Variants in RNF157 observed in about 807,000 individuals in gnomAD.
RNF157 encodes the protein ring finger protein 157.
A neutral mutation model predicts 88.3 loss-of-function variants in RNF157; 55 were observed. The ratio of observed to expected loss-of-function variants is 0.62; its 90% confidence interval spans 0.50 to 0.78. The LOEUF (loss-of-function observed/expected upper bound fraction) is 0.78, where lower values mean the gene tolerates loss of function less well. Among genes scored for constraint, RNF157 ranks in the 30% least tolerant of loss-of-function variants. The pLI is 0.00. For synonymous variants in RNF157, 334 were observed against 341.2 expected (o/e 0.98, Z 0.23); for missense variants, 788 against 860.8 (o/e 0.92, Z 1.06).
chr17:76,231,163 A>G (rs1017400891), intron 1 of RNF157, among the ~76,000 whole-genome samples: 1 of 151,880 alleles, frequency 6.6e-6, no homozygotes, highest in Non-Finnish European at 1.5e-5. Context: ...ACGCCCAGCT[A>G]ATTTTTTGTA....
At chr17:76,223,251 A>G (rs1414393077) in intron 1 of RNF157, among the ~76,000 whole-genome samples, 14 of 147,474 alleles carry the variant, frequency 9.5e-5, no homozygotes, top group Middle Eastern at 3.3e-3. Flanking sequence ...GCAGTAGTCC[A>G]ATCTCTGCTC....
chr17:76,181,302 C>T (rs561038107), intron 2 of RNF157, among the ~76,000 whole-genome samples: 1 of 152,280 alleles, frequency 6.6e-6, no homozygotes, highest in South Asian at 2.1e-4. Flanking sequence ...TCCAATGGCG[C>T]CCTATGCTTA....
At chr17:76,220,098 C>A (rs1427820381) in intron 1 of RNF157, among the ~76,000 whole-genome samples, 2 of 152,016 alleles carry the variant, frequency 1.3e-5, no homozygotes, top group Non-Finnish European at 2.9e-5. Context: ...GAGGGGGTGC[C>A]GCTAGCATCC....
At chr17:76,147,048 T>G (rs1321498127) in intron 18 of RNF157, 12 of 985,216 alleles carry the variant, frequency 1.2e-5, no homozygotes, top group Non-Finnish European at 1.4e-5. Flanking sequence ...GTCTTGGATC[T>G]CTCTCTCATA....
intron 1 of RNF157, among the ~76,000 whole-genome samples, chr17:76,223,428 T>G (rs575094473): frequency 1.3e-5 from 2 of 152,254 alleles, no homozygotes; most frequent in East Asian, 1.9e-4. Context: ...CCTCAGGTGA[T>G]CCATCCGCCT....
chr17:76,233,551 TA>T (rs1167307529), intron 1 of RNF157, among the ~76,000 whole-genome samples: 1 of 152,218 alleles, frequency 6.6e-6, no homozygotes, highest in African/African-American at 2.4e-5. Flanking sequence ...TTTATTTTTT[TA>T]TTAGTGACAG....
In RNF157 at chr17:76,146,085, A is replaced by T. The variant is rs1007267514; in HGVS notation, c.1922-732T>A. ...GAGGAGTGCCAGCGCCTGTCTGGAA[A>T]CCCATTCTTGGTGCTTCTCTTTCCC... On this transcript the variant is annotated intron_variant, in intron 18 of 18. Transcript: ENST00000269391. This position sits in a 1 kb window ranked among gnomAD's most constrained non-coding sequence, Gnocchi z 4.2. 4.6e-5 allele frequency among the ~76,000 whole-genome samples: 7 copies of T among 151,564 alleles called. No homozygotes were observed. The highest frequency in any genetic ancestry group is 1.7e-4 in the African/African-American group (7 of 41,188).
chr17:76,142,940 C>T lies in RNF157; in HGVS notation c.*2295G>A, dbSNP rs369073980. 4.6e-5 allele frequency: 7 copies of T among 152,420 alleles called. No homozygotes were observed. The highest frequency in any genetic ancestry group is 1.7e-4 in the African/African-American group (7 of 41,454). The allele number at this position is 152,420 out of a possible 1,614,324, so 9.4% of individuals were successfully genotyped here. A position where few individuals can be genotyped will look rare whatever the true frequency, so the allele number is the denominator to read the frequency against. ...GTGCCCTGTGGGAGAAGCCAGGCCC[C>T]ACCTCTTCTCTTTGGGTGAACTGTT... On this transcript the variant is annotated 3_prime_UTR_variant, in exon 19 of 19. Transcript: ENST00000269391.
At chr17:76,222,338 C>A (rs1207807899) in intron 1 of RNF157, among the ~76,000 whole-genome samples, 1 of 150,194 alleles carries the variant, frequency 6.7e-6, no homozygotes, top group African/African-American at 2.4e-5. Flanking sequence ...CAGAGCAAGA[C>A]CCCGTCTCAA....
Position 76,160,616 on chromosome 17 carries a change from A to C in RNF157, c.1065+919T>G, listed in dbSNP as rs2289606. On this transcript the variant is annotated intron_variant, in intron 11 of 18. Coordinates refer to ENST00000269391, the MANE Select transcript of RNF157 (RefSeq NM_052916.3). This position sits in a 1 kb window ranked among gnomAD's most constrained non-coding sequence, Gnocchi z 4.3. ...TGCCCTTTTATCTACTGTTTTATTC[A>C]ATATGAACTATGGCAAAGACATTAG... Among the ~76,000 whole-genome samples the C allele has an allele frequency of 0.19, 29,105 of 152,066 alleles. 2,812 individuals carry two copies. Among genetic ancestry groups the C allele is most frequent in the Middle Eastern group, 0.26 (76 of 294 alleles).
intron 2 of RNF157, among the ~76,000 whole-genome samples, chr17:76,183,533 T>G (rs1304174381): frequency 6.6e-6 from 1 of 152,052 alleles, no homozygotes; most frequent in Non-Finnish European, 1.5e-5. Flanking sequence ...GTGACCATAG[T>G]GCACTACAGC....
In RNF157 at chr17:76,160,318, T is replaced by TA. The variant is rs1188249444; in HGVS notation, c.1066-746dup. Among the ~76,000 whole-genome samples the TA allele has an allele frequency of 1.3e-5, 2 of 152,152 alleles. No individual in the cohort carries two copies. The highest frequency in any genetic ancestry group is 2.4e-5 in the African/African-American group (1 of 41,416). On this transcript the variant is annotated intron_variant, in intron 11 of 18. Coordinates refer to ENST00000269391, the MANE Select transcript of RNF157 (RefSeq NM_052916.3). The surrounding 1 kb of genome is among the most constrained non-coding windows in gnomAD (Gnocchi z 4.3). ...TTCTTGTTATTAAATTATTAGCTCT[T>TA]AGATGATGAGGTATAAATGTTTTTA... is the stretch of plus-strand genomic sequence containing the variant.
chr17:76,164,648 TA>T, intron 8 of RNF157, 99 bp downstream of exon 8: 1 of 632,258 alleles, frequency 1.6e-6, no homozygotes, highest in Non-Finnish European at 2.5e-6. Flanking sequence ...GAGCAAAAAG[TA>T]AAACAAAAAT....
At chr17:76,228,890 C>T (rs527439636) in intron 1 of RNF157, among the ~76,000 whole-genome samples, 1 of 152,106 alleles carries the variant, frequency 6.6e-6, no homozygotes, top group South Asian at 2.1e-4. Context: ...CGCCATTGGA[C>T]TCCAGCCTGG....
intron 2 of RNF157, among the ~76,000 whole-genome samples, chr17:76,197,671 C>G (rs891252412): frequency 1.3e-5 from 2 of 152,154 alleles, no homozygotes; most frequent in Non-Finnish European, 2.9e-5. Context: ...CTGTCTCAAG[C>G]CATCTTCCCA....
chr17:76,232,212 G>A (rs1037537038), intron 1 of RNF157, among the ~76,000 whole-genome samples: 5 of 152,026 alleles, frequency 3.3e-5, no homozygotes, highest in African/African-American at 1.2e-4. Flanking sequence ...GTGGGACCCC[G>A]TCTTTACAAA....
At chr17:76,173,428 T>TA (rs1378875713) in intron 3 of RNF157, among the ~76,000 whole-genome samples, 1 of 152,206 alleles carries the variant, frequency 6.6e-6, no homozygotes, top group Non-Finnish European at 1.5e-5. Flanking sequence ...TCTTCCCTTT[T>TA]AAAAAATATC....
chr17:76,228,089 T>G (rs970329915), intron 1 of RNF157, among the ~76,000 whole-genome samples: 1 of 152,150 alleles, frequency 6.6e-6, no homozygotes, highest in African/African-American at 2.4e-5. Flanking sequence ...GGGGTTTTTT[T>G]CTAAAAAGAA....
rs1242090610 is a variant in RNF157, at chr17:76,156,332, TG to T, written c.1414-12del. 2 of 1,613,688 alleles carry T rather than the reference TG, an allele frequency of 1.2e-6. No individual in the cohort carries two copies. The highest frequency in any genetic ancestry group is 1.7e-6 in the Non-Finnish European group (2 of 1,179,908). On this transcript the variant is annotated splice_polypyrimidine_tract_variant and intron_variant, in intron 13 of 18. Transcript: ENST00000269391. Reference sequence around the variant, plus strand: ...AGTCACACCACATTCCTGGGGGTTGTGGGGGGACACAACAGGACATGGAGCA... The same window carrying T: ...AGTCACACCACATTCCTGGGGGTTGTGGGGGACACAACAGGACATGGAGCA...
Sources: allele counts gnomAD v4.1 joint callset (sites outside exome capture counted in the v4.1 genomes callset), GRCh38; gene constraint gnomAD v4.1.1; non-coding constraint Gnocchi (gnomAD v3.1); transcripts MANE v1.5; gene names NCBI Gene and HGNC (gene_info 2026-07-23, HGNC 2026-07-21).